SLCO5A1: variants seen among roughly 807,000 people sequenced by gnomAD.
SLCO5A1 encodes the protein organic anion transporter polypeptide-related protein 4.
Under a neutral mutation model 65.1 loss-of-function variants are expected in SLCO5A1, and 39 were observed. The ratio of observed to expected loss-of-function variants is 0.60; its 90% CI spans 0.46 to 0.78. The LOEUF (loss-of-function observed/expected upper bound fraction) is 0.78, where lower values mean the gene tolerates loss of function less well. Among genes scored for constraint, SLCO5A1 ranks in the 30% least tolerant of loss-of-function variants. The pLI is 0.00. For missense variants in SLCO5A1, 1,029 were observed against 1,069.4 expected (o/e 0.96, Z 0.53); for synonymous variants, 438 against 415.7 (o/e 1.05, Z -0.65).
intron 5 of SLCO5A1, among the ~76,000 whole-genome samples, chr8:69,730,186 C>T (rs1326697094): frequency 2.0e-5 from 3 of 152,150 alleles, no homozygotes; most frequent in Admixed American, 2.0e-4. Flanking sequence ...AGTCACAGAT[C>T]TGGGATTCAG....
chr8:69,772,533 GA>G (rs1335883489), intron 2 of SLCO5A1, among the ~76,000 whole-genome samples: 1 of 128,056 alleles, frequency 7.8e-6, no homozygotes, highest in South Asian at 2.5e-4. Flanking sequence ...AAAAAGAAAA[GA>G]AAAAAAAGGA....
At chr8:69,726,866 C>G (rs1037941903) in intron 5 of SLCO5A1, among the ~76,000 whole-genome samples, 2 of 152,168 alleles carry the variant, frequency 1.3e-5, no homozygotes, top group Non-Finnish European at 2.9e-5. Flanking sequence ...GATAATCTTT[C>G]TTATGAATGT....
At chr8:69,804,110 G>A (rs1410381168) in intron 2 of SLCO5A1, among the ~76,000 whole-genome samples, 2 of 152,162 alleles carry the variant, frequency 1.3e-5, no homozygotes, top group Non-Finnish European at 2.9e-5. Flanking sequence ...CCTTGTGGGA[G>A]CAAGCGAGAG....
intron 5 of SLCO5A1, among the ~76,000 whole-genome samples, chr8:69,723,854 C>A (rs1362666928): frequency 6.7e-6 from 1 of 150,000 alleles, no homozygotes. Context: ...CTCACTGCAA[C>A]CTCCGCCTCC....
At chr8:69,717,744 T>C (rs1309154072) in intron 5 of SLCO5A1, among the ~76,000 whole-genome samples, 1 of 152,244 alleles carries the variant, frequency 6.6e-6, no homozygotes, top group Non-Finnish European at 1.5e-5. Flanking sequence ...GCAATGTCTT[T>C]TCATTTATTT....
intron 2 of SLCO5A1, 22 bp from the exon 3 acceptor site, chr8:69,761,897 T>C (rs371141666): frequency 1.2e-6 from 2 of 1,609,118 alleles, no homozygotes; most frequent in Non-Finnish European, 1.7e-6. Context: ...GAAGGGGAAA[T>C]GTGAAATACA....
At chr8:69,676,167 C>T (rs1813537483) in intron 9 of SLCO5A1, among the ~76,000 whole-genome samples, 1 of 152,054 alleles carries the variant, frequency 6.6e-6, no homozygotes, top group Admixed American at 6.6e-5. Flanking sequence ...TCTCAGAAAA[C>T]TTGATAGGTA....
At chr8:69,705,613 C>T (rs1586705082) in intron 5 of SLCO5A1, among the ~76,000 whole-genome samples, 1 of 152,312 alleles carries the variant, frequency 6.6e-6, no homozygotes, top group Middle Eastern at 3.4e-3. Context: ...GATAAATACT[C>T]AGGTGACAGT....
intron 4 of SLCO5A1, among the ~76,000 whole-genome samples, chr8:69,752,332 T>A (rs1425250293): frequency 1.3e-5 from 2 of 152,148 alleles, no homozygotes; most frequent in Non-Finnish European, 2.9e-5. Context: ...AACTCAGATT[T>A]AACTCAAAAT....
intron 2 of SLCO5A1, among the ~76,000 whole-genome samples, chr8:69,782,052 C>G (rs1818820748): frequency 6.6e-6 from 1 of 152,010 alleles, no homozygotes; most frequent in Non-Finnish European, 1.5e-5. Flanking sequence ...ACATCAAACA[C>G]CAGGGCCTGT....
intron 5 of SLCO5A1, among the ~76,000 whole-genome samples, chr8:69,727,237 G>A (rs945548557): frequency 7.2e-5 from 11 of 152,144 alleles, no homozygotes; most frequent in African/African-American, 2.4e-4. Flanking sequence ...ATAGATGGAT[G>A]AATGGGCGAA....
chr8:69,782,075 G>A (rs548520330), intron 2 of SLCO5A1, among the ~76,000 whole-genome samples: 1 of 152,186 alleles, frequency 6.6e-6, no homozygotes, highest in South Asian at 2.1e-4. Context: ...GCGGGTGTGG[G>A]GCAAGGGGAG....
chr8:69,832,955 GC>G lies in SLCO5A1; in HGVS notation c.-283del, dbSNP rs1821240263. The G allele has an allele frequency of 2.4e-6, 1 of 425,344 alleles. No individual in the cohort carries two copies. Among genetic ancestry groups the G allele is most frequent in the African/African-American group, 2.1e-5 (1 of 47,632 alleles). The allele number at this position is 425,344 out of a possible 1,614,324, so 26.3% of individuals were successfully genotyped here. A position where few individuals can be genotyped will look rare whatever the true frequency, so the allele number is the denominator to read the frequency against. ...ACTCGGCGTCCCTCTCCGGGCGGTA[GC>G]TTGAGGCAGGCGCCTCGCGCGTCCC... On this transcript the variant is annotated 5_prime_UTR_variant, in exon 2 of 10. It introduces an in-frame stop codon into an upstream open reading frame of the 5' UTR. Transcript: ENST00000260126. This position sits in a 1 kb window ranked among gnomAD's most constrained non-coding sequence, Gnocchi z 4.5.
At chr8:69,696,006 G>A (rs2933060) in intron 6 of SLCO5A1, among the ~76,000 whole-genome samples, 14,420 of 152,222 alleles carry the variant, frequency 0.095, 870 homozygotes, top group South Asian at 0.17. Flanking sequence ...TAAATGGATT[G>A]CTCAGCAAAT....
At chr8:69,827,368 GC>G (rs966939181) in intron 2 of SLCO5A1, among the ~76,000 whole-genome samples, 3 of 152,168 alleles carry the variant, frequency 2.0e-5, no homozygotes, top group Admixed American at 6.5e-5. Context: ...TACCTACAAA[GC>G]TTTCTCTATG....
At chr8:69,682,718 C>T (rs1189774130) in intron 6 of SLCO5A1, among the ~76,000 whole-genome samples, 2 of 152,122 alleles carry the variant, frequency 1.3e-5, no homozygotes, top group African/African-American at 4.8e-5. Context: ...ACCTCAATTT[C>T]TTTATAAAAT....
chr8:69,730,628 G>A (rs1338571839), intron 5 of SLCO5A1, among the ~76,000 whole-genome samples: 1 of 152,214 alleles, frequency 6.6e-6, no homozygotes, highest in Non-Finnish European at 1.5e-5. Context: ...CTGACTCCTA[G>A]TCAAGGCACA....
At chr8:69,828,431 T>A (rs1821016781) in intron 2 of SLCO5A1, among the ~76,000 whole-genome samples, 1 of 151,898 alleles carries the variant, frequency 6.6e-6, no homozygotes. Context: ...TGAAACCCTG[T>A]CTCTACTAAA....
At chr8:69,674,615 C>CCA (rs1813470766) in intron 9 of SLCO5A1, among the ~76,000 whole-genome samples, 2 of 152,128 alleles carry the variant, frequency 1.3e-5, no homozygotes, top group African/African-American at 4.8e-5. Context: ...TGTTCTCCCT[C>CCA]CACTTATTCT....
Sources: gnomAD v4.1 joint callset for allele counts (sites outside exome capture counted in the v4.1 genomes callset) on GRCh38, gnomAD v4.1.1 for gene constraint, Gnocchi (gnomAD v3.1) non-coding constraint, MANE v1.5 for transcripts, NCBI Gene and HGNC (gene_info 2026-07-23, HGNC 2026-07-21) for gene names.